Variants in NPFFR2 observed in about 807,000 individuals in gnomAD.
The protein encoded by NPFFR2 is G-protein coupled receptor 74.
In NPFFR2, 15 loss-of-function variants were observed where a neutral mutation model predicts 13.1. That is an observed-to-expected ratio of 1.15 (90% CI 0.77 to 1.76). The LOEUF is 1.76. Among genes scored for constraint, NPFFR2 ranks in the 40% most tolerant of loss-of-function variants. The pLI, the probability that NPFFR2 is intolerant of heterozygous loss-of-function variation, is 0.00. For synonymous variants in NPFFR2, 190 were observed against 175.7 expected (o/e 1.08, Z -0.65); for missense variants, 572 against 503.5 (o/e 1.14, Z -1.30).
At chr4:72,133,073 G>A (rs1412783803) in intron 2 of NPFFR2, among the ~76,000 whole-genome samples, 2 of 152,002 alleles carry the variant, frequency 1.3e-5, no homozygotes, top group Non-Finnish European at 2.9e-5. Flanking sequence ...TGAAATTTTT[G>A]CCTGTTCCTA....
chr4:72,056,930 G>GT (rs1309348306), intron 1 of NPFFR2, among the ~76,000 whole-genome samples: 1 of 151,748 alleles, frequency 6.6e-6, no homozygotes, highest in Non-Finnish European at 1.5e-5. Context: ...CAAAGAGAGT[G>GT]GTTTTTTGTC....
intron 1 of NPFFR2, among the ~76,000 whole-genome samples, chr4:72,111,422 C>A (rs1721563545): frequency 6.6e-6 from 1 of 151,898 alleles, no homozygotes; most frequent in Non-Finnish European, 1.5e-5. Flanking sequence ...TGTTGTGCAT[C>A]CTATACAGTG....
intron 1 of NPFFR2, among the ~76,000 whole-genome samples, chr4:72,075,324 C>T (rs1228035586): frequency 6.6e-6 from 1 of 152,116 alleles, no homozygotes; most frequent in African/African-American, 2.4e-5. Flanking sequence ...CATTGTGGGA[C>T]CTTGTGATTG....
chr4:72,093,313 A>G (rs545898116), intron 1 of NPFFR2, among the ~76,000 whole-genome samples: 1 of 152,172 alleles, frequency 6.6e-6, no homozygotes, highest in Admixed American at 6.5e-5. Context: ...TGGTGAAGCA[A>G]TGACCTTTTT....
At chr4:72,125,356 A>C (rs28728133) in intron 1 of NPFFR2, among the ~76,000 whole-genome samples, 10,687 of 152,280 alleles carry the variant, frequency 0.07, 1,140 homozygotes, top group African/African-American at 0.23. Context: ...ACCATTGTGG[A>C]AAAGAAAACC....
chr4:72,107,226 C>A (rs2109815720), intron 1 of NPFFR2, among the ~76,000 whole-genome samples: 1 of 151,682 alleles, frequency 6.6e-6, no homozygotes, highest in South Asian at 2.1e-4. Context: ...CTCCTGCTCA[C>A]AACTTGGGGT....
chr4:72,076,020 G>T (rs879427412), intron 1 of NPFFR2, among the ~76,000 whole-genome samples: 1 of 37,194 alleles, frequency 2.7e-5, no homozygotes, highest in Non-Finnish European at 6.7e-5. Context: ...GAGAGAGAGA[G>T]GGCAGACAGC....
chr4:72,120,158 C>T (rs1319664479), intron 1 of NPFFR2, among the ~76,000 whole-genome samples: 1 of 152,180 alleles, frequency 6.6e-6, no homozygotes, highest in African/African-American at 2.4e-5. Flanking sequence ...TAAACAAAGC[C>T]TCCAGGAAGT....
At chr4:72,125,213 A>T (rs879442986) in intron 1 of NPFFR2, among the ~76,000 whole-genome samples, 1 of 152,232 alleles carries the variant, frequency 6.6e-6, no homozygotes, top group Non-Finnish European at 1.5e-5. Flanking sequence ...AATGCAAATC[A>T]AAACTACAAT....
At chr4:72,065,446 T>C (rs1720038261) in intron 1 of NPFFR2, among the ~76,000 whole-genome samples, 1 of 152,196 alleles carries the variant, frequency 6.6e-6, no homozygotes, top group Non-Finnish European at 1.5e-5. Flanking sequence ...TCAAAAAGAC[T>C]TTCTTCTCCA....
intron 1 of NPFFR2, among the ~76,000 whole-genome samples, chr4:72,085,924 G>C (rs995509292): frequency 3.9e-5 from 6 of 152,082 alleles, no homozygotes; most frequent in Non-Finnish European, 8.8e-5. Context: ...ACAATGGAGG[G>C]AAAACATGGA....
At chr4:72,045,737 C>T (rs2109759697) in intron 1 of NPFFR2, among the ~76,000 whole-genome samples, 2 of 28,862 alleles carry the variant, frequency 6.9e-5, no homozygotes, top group South Asian at 1.8e-3. Flanking sequence ...TTATTGAATG[C>T]TGTACTGAAA....
chr4:72,133,747 A>T (rs1322200244), intron 2 of NPFFR2, among the ~76,000 whole-genome samples: 1 of 151,938 alleles, frequency 6.6e-6, no homozygotes, highest in Non-Finnish European at 1.5e-5. Context: ...GTATTCCTAG[A>T]TATTTTATTC....
intron 1 of NPFFR2, among the ~76,000 whole-genome samples, chr4:72,062,534 A>T (rs59724335): frequency 0.06 from 9,145 of 152,082 alleles, 866 homozygotes; most frequent in East Asian, 0.47. Flanking sequence ...AAAAAAAAAA[A>T]AAAGAAGTCG....
At chr4:72,101,841 G>T (rs1026458388) in intron 1 of NPFFR2, among the ~76,000 whole-genome samples, 1 of 151,988 alleles carries the variant, frequency 6.6e-6, no homozygotes, top group South Asian at 2.1e-4. Context: ...CATGGGCAAG[G>T]TTGTTAGCCA....
chr4:72,116,697 A>G (rs946968825), intron 1 of NPFFR2, among the ~76,000 whole-genome samples: 2 of 152,222 alleles, frequency 1.3e-5, no homozygotes, highest in Middle Eastern at 3.2e-3. Flanking sequence ...AAAGTATAAC[A>G]GTCATTTAAT....
At chr4:72,044,882 C>A (rs1015122261) in intron 1 of NPFFR2, among the ~76,000 whole-genome samples, 1 of 152,088 alleles carries the variant, frequency 6.6e-6, no homozygotes, top group African/African-American at 2.4e-5. Context: ...CTTTGCTGTG[C>A]AGAAGCTTTT....
chr4:72,059,407 C>T (rs185727078), intron 1 of NPFFR2, among the ~76,000 whole-genome samples: 2 of 152,220 alleles, frequency 1.3e-5, no homozygotes, highest in Admixed American at 1.3e-4. Flanking sequence ...CTAAGAGCTG[C>T]ACACCAGATT....
intron 2 of NPFFR2, 46 bp downstream of exon 2, chr4:72,128,965 C>T (rs1722155445): frequency 7.0e-7 from 1 of 1,433,610 alleles, no homozygotes; most frequent in Admixed American, 1.9e-5. Flanking sequence ...AAATATTTGT[C>T]CCATATTTCA....
Sources: allele counts gnomAD v4.1 joint callset (sites outside exome capture counted in the v4.1 genomes callset), GRCh38; gene constraint gnomAD v4.1.1; transcripts MANE v1.5; gene names NCBI Gene and HGNC (gene_info 2026-07-23, HGNC 2026-07-21).